The following CBY2 variants were observed in gnomAD, a reference collection of about 807,000 sequenced individuals.
CBY2 encodes protein chibby homolog 2.
In CBY2, 23 loss-of-function variants were observed where a neutral mutation model predicts 25.3. That is an observed-to-expected ratio of 0.91 (90% CI 0.65 to 1.29). The LOEUF (loss-of-function observed/expected upper bound fraction) is 1.29, where lower values mean the gene tolerates loss of function less well. Ranked by LOEUF, CBY2 falls within the 50% of genes most tolerant of loss-of-function variation. The probability of loss-of-function intolerance (pLI) is 0.00; values close to 1 mark genes in which losing one functional copy is unlikely to be tolerated. For missense variants in CBY2, 642 were observed against 590.7 expected, an observed-to-expected ratio of 1.09 and a Z score of -0.90; for synonymous variants, 279 against 260.2, an observed-to-expected ratio of 1.07 and a Z score of -0.70.
chr13:45,702,602 A>G (rs550032174), intron 1 of CBY2, 137 bp downstream of exon 1: 5 of 905,768 alleles, frequency 5.5e-6, no homozygotes, highest in South Asian at 1.5e-5. Flanking sequence ...AGATTGATAA[A>G]CCATCATGCC....
chr13:45,711,492 A>T (rs1242161827), intron 2 of CBY2, among the ~76,000 whole-genome samples: 2 of 152,136 alleles, frequency 1.3e-5, no homozygotes, highest in Non-Finnish European at 1.5e-5. Context: ...ATCAGTGACA[A>T]AATCAGGATG....
At chr13:45,706,462 TG>T (rs149519297) in intron 2 of CBY2, among the ~76,000 whole-genome samples, 1 of 152,276 alleles carries the variant, frequency 6.6e-6, no homozygotes, top group Non-Finnish European at 1.5e-5. Context: ...CAGAGTCTCT[TG>T]GCACCTTTCT....
rs528252989 is a variant in CBY2 at position 45,714,078 on chromosome 13, C to T, written c.1053C>T (p.Asp351=). The stretch of plus-strand genomic sequence containing the variant: ...CCAAGGTGGGCCCGGGCCTGCCCGA[C>T]GGCTGCCAGCCCCTGCAGCTGCTGA... ...EEAKVGPGLP[D]GCQPLQLLRE... is the part of the protein sequence containing the mutation. Residue 351 remains aspartate, a synonymous_variant, in exon 3 of 3, where the codon GAC becomes GAT. Coordinates refer to ENST00000310521, the MANE Select transcript of CBY2 (RefSeq NM_152719.3). The T allele has an allele frequency of 2.5e-5, 38 of 1,527,662 alleles. No individual in the cohort carries two copies. The highest frequency in any genetic ancestry group is 8.2e-5 in the African/African-American group (6 of 72,732). 94.6% of individuals were successfully genotyped at this position (1,527,662 alleles called of 1,614,324 possible).
In CBY2 at chr13:45,714,376, C is replaced by T. The variant is rs1950301717; in HGVS notation, c.*4C>T. 1.3e-6 allele frequency: 2 copies of T among 1,583,140 alleles called. No homozygotes were observed. The highest frequency in any genetic ancestry group is 2.3e-5 in the East Asian group (1 of 44,098). On this transcript the variant is annotated 3_prime_UTR_variant, in exon 3 of 3. Transcript: ENST00000310521. Reference sequence around the variant, plus strand: ...CAAGAAGCCTAGCAGGGTCTGAGGCCTCGGCCTTGCACCGGGACGCCGAGT... The same window carrying T: ...CAAGAAGCCTAGCAGGGTCTGAGGCTTCGGCCTTGCACCGGGACGCCGAGT...
rs556590525 is a variant in CBY2, at chr13:45,714,474, C to G, written c.*102C>G. The G allele has an allele frequency of 5.8e-5, 61 of 1,058,516 alleles. No homozygotes were observed. The East Asian group carries it at 1.5e-3, about 27-fold the overall frequency. 65.6% of individuals were successfully genotyped at this position (1,058,516 alleles called of 1,614,324 possible). On this transcript the variant is annotated 3_prime_UTR_variant, in exon 3 of 3. Transcript: ENST00000310521. Reference sequence around the variant, plus strand: ...TCGTCCTCGCCTTCCCCAGCCAGTTCGTACCTATTGAAAAGCAGCGTTAGC... The same window carrying G: ...TCGTCCTCGCCTTCCCCAGCCAGTTGGTACCTATTGAAAAGCAGCGTTAGC...
chr13:45,714,373 G>A lies in CBY2; in HGVS notation c.*1G>A. ...CCCCAAGAAGCCTAGCAGGGTCTGA[G>A]GCCTCGGCCTTGCACCGGGACGCCG... On this transcript the variant is annotated 3_prime_UTR_variant, in exon 3 of 3. Coordinates refer to ENST00000310521, the MANE Select transcript of CBY2 (RefSeq NM_152719.3). 1.9e-6 allele frequency: 3 copies of A among 1,587,394 alleles called. No individual in the cohort carries two copies. The African/African-American group carries it at 4.0e-5, about 21-fold the overall frequency.
intron 2 of CBY2, among the ~76,000 whole-genome samples, chr13:45,706,077 C>G (rs1469151783): frequency 6.6e-6 from 1 of 152,252 alleles, no homozygotes; most frequent in Admixed American, 6.5e-5. Flanking sequence ...AGGTCCCACC[C>G]AGAGAGACCT....
At chr13:45,711,155 A>G (rs778452279) in intron 2 of CBY2, among the ~76,000 whole-genome samples, 1 of 152,176 alleles carries the variant, frequency 6.6e-6, no homozygotes, top group Non-Finnish European at 1.5e-5. Context: ...CCTCTTCTCT[A>G]GTGTGCATTC....
At chr13:45,709,716 C>T (rs887662160) in intron 2 of CBY2, among the ~76,000 whole-genome samples, 1 of 152,200 alleles carries the variant, frequency 6.6e-6, no homozygotes, top group Non-Finnish European at 1.5e-5. Flanking sequence ...TGATTTGATA[C>T]TTGGTGAAGC....
chr13:45,713,276 TG>T lies in CBY2; in HGVS notation c.253del (p.Ala85ArgfsTer8), dbSNP rs1251483575. ...GCCCTGCCCCGGCTGAGCCGCAGGATGGCGAGCCAGCACTCCTATCCACTGA... is the reference window on the plus strand; with the variant it reads ...GCCCTGCCCCGGCTGAGCCGCAGGATGCGAGCCAGCACTCCTATCCACTGA... ...QAALPRLSRR[M>X]ASQHSYPLNR... On this transcript the variant is annotated frameshift_variant, in exon 3 of 3. Transcript: ENST00000310521. LOFTEE classifies it high-confidence loss of function. This position sits in a 1 kb window ranked among gnomAD's most constrained non-coding sequence, Gnocchi z 5.0. The T allele has an allele frequency of 8.1e-6, 13 of 1,613,736 alleles. No homozygotes were observed. Among genetic ancestry groups the T allele is most frequent in the Non-Finnish European group, 1.1e-5 (13 of 1,180,010 alleles).
chr13:45,710,376 A>T (rs1485752180), intron 2 of CBY2, among the ~76,000 whole-genome samples: 3 of 152,158 alleles, frequency 2.0e-5, no homozygotes, highest in Admixed American at 1.3e-4. Flanking sequence ...ACAAAAAATT[A>T]GCCAGGCGTG....
intron 1 of CBY2, 52 bp from the exon 2 acceptor site, chr13:45,702,723 C>A: frequency 3.5e-6 from 5 of 1,433,078 alleles, no homozygotes; most frequent in Non-Finnish European, 4.9e-6. Flanking sequence ...GCAATTGAGG[C>A]CCAGAGGATG....
chr13:45,714,310 G>A lies in CBY2; in HGVS notation c.1285G>A (p.Glu429Lys), dbSNP rs149214293. 404 of 1,613,050 alleles carry A rather than the reference G, an allele frequency of 2.5e-4. No homozygotes were observed. Among genetic ancestry groups the A allele is most frequent in the Non-Finnish European group, 2.9e-4 (338 of 1,179,808 alleles). The change falls in exon 3 of 3, where the codon GAG becomes AAG. Residue 429 changes from glutamate to lysine, a missense_variant. Coordinates refer to ENST00000310521, the MANE Select transcript of CBY2 (RefSeq NM_152719.3). ...EVTARMEMLI[E>K]ELYAFMPARS... ...CACCGCGCGCATGGAAATGCTCATC[G>A]AGGAGCTCTACGCCTTCATGCCGGC...
Position 45,714,298 on chromosome 13 carries a change from G to A in CBY2, c.1273G>A (p.Glu425Lys). The A allele has an allele frequency of 6.2e-7, 1 of 1,613,214 alleles. No individual in the cohort carries two copies. Among genetic ancestry groups the A allele is most frequent in the Non-Finnish European group, 8.5e-7 (1 of 1,179,862 alleles). ...CGTGACCGAGGTCACCGCGCGCATG[G>A]AAATGCTCATCGAGGAGCTCTACGC... The part of the protein sequence containing the change: ...DTVTEVTARM[E>K]MLIEELYAFM... The change falls in exon 3 of 3, where the codon GAA becomes AAA. Residue 425 changes from glutamate (E) to lysine (K), a missense_variant. By Grantham distance (56) the Glu-to-Lys change is moderately conservative. Transcript: ENST00000310521.
chr13:45,702,518 A>G, intron 1 of CBY2, 53 bp downstream of exon 1: 1 of 1,494,756 alleles, frequency 6.7e-7, no homozygotes, highest in Non-Finnish European at 9.3e-7. Context: ...GGAAGCAGGT[A>G]CAGCTATCTC....
At chr13:45,712,575 C>T (rs2137510214) in intron 2 of CBY2, among the ~76,000 whole-genome samples, 1 of 152,286 alleles carries the variant, frequency 6.6e-6, no homozygotes, top group South Asian at 2.1e-4. Flanking sequence ...GTTGAGTCCC[C>T]AGCCAAGGAG....
At position 45,713,101 on chromosome 13, in the gene CBY2, G is replaced by A. The variant is rs981237056; in HGVS notation, c.157-81G>A. 1.5e-5 allele frequency: 17 copies of A among 1,149,332 alleles called. No individual in the cohort carries two copies. The South Asian group carries it at 2.4e-4, about 17-fold the overall frequency. The allele number at this position is 1,149,332 out of a possible 1,614,324, so 71.2% of individuals were successfully genotyped here. ...GACAATCAGACGGGGCTTATTTGGGGATGTCCTGGCCCCTTTGTCAGCCAG... is the reference window on the plus strand; with the variant it reads ...GACAATCAGACGGGGCTTATTTGGGAATGTCCTGGCCCCTTTGTCAGCCAG... On this transcript the variant is annotated intron_variant, in intron 2 of 2. Transcript: ENST00000310521. The surrounding 1 kb of genome is among the most constrained non-coding windows in gnomAD (Gnocchi z 5.0).
rs1247339909 is a variant in CBY2 at position 45,713,092 on chromosome 13, T to C, written c.157-90T>C. The C allele has an allele frequency of 9.4e-7, 1 of 1,060,036 alleles. No individual in the cohort carries two copies. Among genetic ancestry groups the C allele is most frequent in the African/African-American group, 1.6e-5 (1 of 62,400 alleles). The allele number at this position is 1,060,036 out of a possible 1,614,324, so 65.7% of individuals were successfully genotyped here. A position where few individuals can be genotyped will look rare whatever the true frequency, so the allele number is the denominator to read the frequency against. On this transcript the variant is annotated intron_variant, in intron 2 of 2. Coordinates refer to ENST00000310521, the MANE Select transcript of CBY2 (RefSeq NM_152719.3). This position sits in a 1 kb window ranked among gnomAD's most constrained non-coding sequence, Gnocchi z 5.0. ...GCCAGGCCAGACAATCAGACGGGGC[T>C]TATTTGGGGATGTCCTGGCCCCTTT...
Position 45,713,943 on chromosome 13 carries a change from C to T in CBY2, c.918C>T (p.Ser306=), listed in dbSNP as rs1228078075. Residue 306 remains serine, a synonymous_variant, in exon 3 of 3, where the codon TCC becomes TCT. Coordinates refer to ENST00000310521, the MANE Select transcript of CBY2 (RefSeq NM_152719.3). This position sits in a 1 kb window ranked among gnomAD's most constrained non-coding sequence, Gnocchi z 5.0. The part of the protein sequence containing the change: ...LLQDQGSGLS[S]RFEEPKGPPA... The stretch of plus-strand genomic sequence containing the variant: ...AGGACCAGGGCTCCGGCCTCTCCTC[C>T]CGCTTCGAGGAGCCCAAAGGGCCTC... The T allele has an allele frequency of 7.8e-6, 12 of 1,534,306 alleles. No individual in the cohort carries two copies. The highest frequency in any genetic ancestry group is 9.6e-6 in the Non-Finnish European group (11 of 1,144,990).
Sources: gnomAD v4.1 joint callset for allele counts (sites outside exome capture counted in the v4.1 genomes callset) on GRCh38, gnomAD v4.1.1 for gene constraint, Gnocchi (gnomAD v3.1) non-coding constraint, MANE v1.5 for transcripts, NCBI Gene and HGNC (gene_info 2026-07-23, HGNC 2026-07-21) for gene names.